Variants in TMED8 observed in about 807,000 individuals in gnomAD.
TMED8 encodes transmembrane p24 trafficking protein family member 8.
TMED8 carries 15 observed loss-of-function variants against 32.7 expected under a neutral mutation model. The ratio of observed to expected loss-of-function variants is 0.46; its 90% CI spans 0.31 to 0.71. The LOEUF (loss-of-function observed/expected upper bound fraction) is 0.71. Among genes scored for constraint, TMED8 ranks in the 30% least tolerant of loss-of-function variants. The pLI is 0.06. For missense variants in TMED8, 390 were observed against 423.9 expected (o/e 0.92, Z 0.70); for synonymous variants, 147 against 161.4 (o/e 0.91, Z 0.68).
At chr14:77,372,946 ATATATATTTTTTTTTTTTTTT>A (rs1893725351) in intron 1 of TMED8, among the ~76,000 whole-genome samples, 2 of 20,860 alleles carry the variant, frequency 9.6e-5, no homozygotes, top group African/African-American at 8.0e-4. Context: ...ATATATATAT[ATATATATTTTTTTTTTTTTTT>A]TTTTTTTTTT....
chr14:77,347,514 T>G (rs1425722008), intron 2 of TMED8, among the ~76,000 whole-genome samples: 1 of 152,240 alleles, frequency 6.6e-6, no homozygotes, highest in Non-Finnish European at 1.5e-5. Flanking sequence ...GCAATTCTCC[T>G]GCCTCAGCCT....
At chr14:77,342,215 C>G (rs1442582586) in intron 5 of TMED8, among the ~76,000 whole-genome samples, 1 of 152,154 alleles carries the variant, frequency 6.6e-6, no homozygotes, top group South Asian at 2.1e-4. Context: ...AGTACCTACA[C>G]AACAAACAAT....
At chr14:77,370,017 C>T (rs1333332377) in intron 1 of TMED8, among the ~76,000 whole-genome samples, 1 of 152,010 alleles carries the variant, frequency 6.6e-6, no homozygotes, top group Non-Finnish European at 1.5e-5. Flanking sequence ...ACTAAAAATA[C>T]AAAAATTAGC....
chr14:77,358,351 G>A (rs1002363450), intron 1 of TMED8, among the ~76,000 whole-genome samples: 2 of 151,332 alleles, frequency 1.3e-5, no homozygotes, highest in East Asian at 3.9e-4. Flanking sequence ...GCCCAGGCTA[G>A]AGTGCAGTGG....
At chr14:77,374,116 C>T (rs768028017) in intron 1 of TMED8, among the ~76,000 whole-genome samples, 7 of 152,204 alleles carry the variant, frequency 4.6e-5, no homozygotes, top group Non-Finnish European at 1.0e-4. Flanking sequence ...ATATCCAATT[C>T]CATTTCTTAC....
In TMED8 at chr14:77,341,500, T is replaced by G. The variant is rs531250906; in HGVS notation, c.*271A>C. 9.8e-5 allele frequency: 49 copies of G among 500,554 alleles called. No individual in the cohort carries two copies. Among genetic ancestry groups the G allele is most frequent in the African/African-American group, 9.2e-4 (48 of 52,066 alleles). 31.0% of individuals were successfully genotyped at this position (500,554 alleles called of 1,614,324 possible). A position where few individuals can be genotyped will look rare whatever the true frequency, so the allele number is the denominator to read the frequency against. On this transcript the variant is annotated 3_prime_UTR_variant, in exon 6 of 6. Transcript: ENST00000216468. Reference sequence around the variant, plus strand: ...ATCGCCCTGCTTCCTTTTAGGCTTGTGCCCCATAGGTGCCTTCAAGAGGGA... The same window carrying G: ...ATCGCCCTGCTTCCTTTTAGGCTTGGGCCCCATAGGTGCCTTCAAGAGGGA...
rs1281909714 is a variant in TMED8, at chr14:77,339,196, A to G, written c.*2575T>C. ...AATTATTTCAGAAATGTAACATGAA[A>G]ATAGTGAATTAGACAGTGAAAATAT... On this transcript the variant is annotated 3_prime_UTR_variant, in exon 6 of 6. Coordinates refer to ENST00000216468, the MANE Select transcript of TMED8 (RefSeq NM_213601.3). The G allele has an allele frequency of 6.6e-6, 1 of 152,262 alleles. No homozygotes were observed. The highest frequency in any genetic ancestry group is 1.5e-5 in the Non-Finnish European group (1 of 68,042). 9.4% of individuals were successfully genotyped at this position (152,262 alleles called of 1,614,324 possible). A position where few individuals can be genotyped will look rare whatever the true frequency, so the allele number is the denominator to read the frequency against.
intron 1 of TMED8, among the ~76,000 whole-genome samples, chr14:77,361,580 G>A (rs1893436226): frequency 2.0e-5 from 3 of 152,114 alleles, no homozygotes; most frequent in Non-Finnish European, 2.9e-5. Context: ...TTTTAGAATT[G>A]TTTTTTCTAC....
intron 2 of TMED8, among the ~76,000 whole-genome samples, chr14:77,348,322 ACTCCGTT>A (rs1247269665): frequency 6.6e-6 from 1 of 151,082 alleles, no homozygotes; most frequent in Non-Finnish European, 1.5e-5. Context: ...TCCCGGGTTC[ACTCCGTT>A]CTCCTGCCTC....
chr14:77,349,487 A>G (rs1174659738), intron 2 of TMED8, among the ~76,000 whole-genome samples: 1 of 151,992 alleles, frequency 6.6e-6, no homozygotes, highest in African/African-American at 2.4e-5. Flanking sequence ...CAGCCACAAC[A>G]GCCTCTTCAA....
chr14:77,349,556 T>C (rs1394400049), intron 2 of TMED8, among the ~76,000 whole-genome samples: 1 of 152,192 alleles, frequency 6.6e-6, no homozygotes, highest in Admixed American at 6.5e-5. Context: ...TTGCATTTGC[T>C]GTAATCTCTG....
intron 1 of TMED8, among the ~76,000 whole-genome samples, chr14:77,357,113 G>A (rs1434060730): frequency 6.6e-6 from 1 of 152,174 alleles, no homozygotes; most frequent in Non-Finnish European, 1.5e-5. Flanking sequence ...ACTGTTGCCA[G>A]GGAGCACATT....
chr14:77,349,106 CTTTTTTTTTTT>C (rs33964835), intron 2 of TMED8, among the ~76,000 whole-genome samples: 2 of 91,974 alleles, frequency 2.2e-5, no homozygotes, highest in Non-Finnish European at 4.0e-5. Context: ...CTCTAAGGCC[CTTTTTTTTTTT>C]TTTTTTTTTT....
intron 2 of TMED8, among the ~76,000 whole-genome samples, chr14:77,351,050 C>T (rs1476944920): frequency 6.6e-6 from 1 of 152,122 alleles, no homozygotes; most frequent in Non-Finnish European, 1.5e-5. Flanking sequence ...AGAGCCTGGC[C>T]GGCAAGCCAG....
intron 1 of TMED8, among the ~76,000 whole-genome samples, chr14:77,364,603 C>T: frequency 6.6e-6 from 1 of 152,092 alleles, no homozygotes; most frequent in East Asian, 1.9e-4. Context: ...TCAGAGCTCA[C>T]TGCAGCCTCA....
At position 77,335,719 on chromosome 14, in the gene TMED8, G is replaced by A. The variant is rs187585434; in HGVS notation, c.*6052C>T. On this transcript the variant is annotated 3_prime_UTR_variant, in exon 6 of 6. Coordinates refer to ENST00000216468, the MANE Select transcript of TMED8 (RefSeq NM_213601.3). ...TTCTGGGAATTTCAAAACACTTCCC[G>A]TTACGTTAAGGGAAAATGGGTACAC... 6.6e-5 allele frequency: 10 copies of A among 152,186 alleles called. No individual in the cohort carries two copies. The highest frequency in any genetic ancestry group is 1.4e-4 in the African/African-American group (6 of 41,526). 9.4% of individuals were successfully genotyped at this position (152,186 alleles called of 1,614,324 possible).
chr14:77,363,271 A>C (rs1181114898), intron 1 of TMED8, among the ~76,000 whole-genome samples: 1 of 152,202 alleles, frequency 6.6e-6, no homozygotes, highest in Non-Finnish European at 1.5e-5. Flanking sequence ...TTCCAACCAC[A>C]ATGGTAAAAA....
intron 1 of TMED8, among the ~76,000 whole-genome samples, chr14:77,360,541 A>G (rs1019558611): frequency 1.3e-5 from 2 of 148,906 alleles, no homozygotes; most frequent in African/African-American, 5.2e-5. Flanking sequence ...TTCTTTTATA[A>G]GGCTAAATAA....
At chr14:77,375,684 A>G (rs1297913930) in intron 1 of TMED8, among the ~76,000 whole-genome samples, 1 of 152,218 alleles carries the variant, frequency 6.6e-6, no homozygotes, top group Non-Finnish European at 1.5e-5. Flanking sequence ...CAGCATTATG[A>G]GAGGGAAGAT....
Sources: gnomAD v4.1 joint callset for allele counts (sites outside exome capture counted in the v4.1 genomes callset) on GRCh38, gnomAD v4.1.1 for gene constraint, MANE v1.5 for transcripts, NCBI Gene and HGNC (gene_info 2026-07-23, HGNC 2026-07-21) for gene names.